TTC1: variants seen among roughly 807,000 people sequenced by gnomAD.
TTC1 encodes the protein tetratricopeptide repeat protein 1.
Under a neutral mutation model 37.6 loss-of-function variants are expected in TTC1, and 31 were observed. The ratio of observed to expected loss-of-function variants is 0.82; its 90% confidence interval spans 0.62 to 1.11. The LOEUF (loss-of-function observed/expected upper bound fraction) is 1.11. TTC1 is among the 50% of genes most tolerant of loss of function. The probability of loss-of-function intolerance (pLI) is 0.00; values close to 1 mark genes in which losing one functional copy is unlikely to be tolerated. For missense variants in TTC1, 351 were observed against 339.0 expected (o/e 1.04, Z -0.28); for synonymous variants, 127 against 122.4 (o/e 1.04, Z -0.25).
chr5:160,033,864 A>G (rs1756958753), intron 2 of TTC1, among the ~76,000 whole-genome samples: 1 of 152,226 alleles, frequency 6.6e-6, no homozygotes, highest in Non-Finnish European at 1.5e-5. Context: ...TGCATGAAAT[A>G]CCCTGCTAAC....
chr5:160,011,004 A>G (rs1756493113), intron 2 of TTC1, 146 bp downstream of exon 2: 1 of 776,890 alleles, frequency 1.3e-6, no homozygotes, highest in South Asian at 2.0e-5. Context: ...TGGATCTGAG[A>G]TAAATCGGTG....
At chr5:160,047,590 C>G (rs1757285359) in intron 5 of TTC1, among the ~76,000 whole-genome samples, 3 of 152,210 alleles carry the variant, frequency 2.0e-5, no homozygotes, top group Admixed American at 2.0e-4. Flanking sequence ...AAATGTAAAT[C>G]AGAGTATGTC....
intron 4 of TTC1, among the ~76,000 whole-genome samples, chr5:160,039,951 T>A (rs1229067705): frequency 1.3e-5 from 2 of 152,206 alleles, no homozygotes; most frequent in Non-Finnish European, 2.9e-5. Flanking sequence ...TAAAGTACAG[T>A]CATGAGTCAC....
chr5:160,055,512 G>A (rs138287357), intron 7 of TTC1, among the ~76,000 whole-genome samples: 2 of 152,342 alleles, frequency 1.3e-5, no homozygotes, highest in Non-Finnish European at 2.9e-5. Context: ...TTTTGGAGCT[G>A]CATCTCAGAT....
chr5:160,032,682 C>CCTT (rs1184977003), intron 2 of TTC1, among the ~76,000 whole-genome samples: 3 of 147,502 alleles, frequency 2.0e-5, no homozygotes, highest in African/African-American at 2.5e-5. Flanking sequence ...AACAGAGCCT[C>CCTT]CTTGAGTTCT....
At chr5:160,052,221 A>T (rs1163827117) in intron 7 of TTC1, among the ~76,000 whole-genome samples, 1 of 152,194 alleles carries the variant, frequency 6.6e-6, no homozygotes, top group Non-Finnish European at 1.5e-5. Context: ...TATTTAATTA[A>T]ACTTGGCCAG....
Position 160,045,512 on chromosome 5 carries a change from ACATACACACTCTCTCTCT to A in TTC1, c.541+2345_541+2362del, listed in dbSNP as rs1229948527. ...CACACACACACACACACACACACAC[ACATACACACTCTCTCTCT>A]CTCTCTCTCTCTCTCTCTCTCTCCC... is the stretch of plus-strand genomic sequence containing the variant. On this transcript the variant is annotated intron_variant, in intron 5 of 7. Coordinates refer to ENST00000231238, the MANE Select transcript of TTC1 (RefSeq NM_003314.3). Among the ~76,000 whole-genome samples the A allele has an allele frequency of 3.7e-4, 16 of 42,838 alleles. 1 individual carries two copies. Among genetic ancestry groups the A allele is most frequent in the African/African-American group, 1.8e-3 (15 of 8,300 alleles). The allele number at this position is 42,838 out of a possible 152,430, so 28.1% of individuals were successfully genotyped here. A position where few individuals can be genotyped will look rare whatever the true frequency, so the allele number is the denominator to read the frequency against.
intron 6 of TTC1, 87 bp downstream of exon 6, chr5:160,049,749 T>A: frequency 1.7e-6 from 2 of 1,163,930 alleles, no homozygotes; most frequent in Non-Finnish European, 2.3e-6. Flanking sequence ...CAGACACAAT[T>A]AAATTCCATT....
At position 160,051,146 on chromosome 5, in the gene TTC1, T is replaced by G; in HGVS notation, c.708T>G (p.Ile236Met). 1.2e-6 allele frequency: 2 copies of G among 1,610,138 alleles called. No individual in the cohort carries two copies. Residue 236 changes from isoleucine (I) to methionine (M), a missense_variant, in exon 7 of 8, where the codon ATT becomes ATG. Physicochemically the swap from Ile to Met is conservative, Grantham distance 10. Transcript: ENST00000231238. ...TTCCTCAGAGATTACCTAAGCAAAT[T>G]GAAGAACGTAATGAAAGACTAAAAG... The part of the protein sequence containing the change: ...REACMRLPKQ[I>M]EERNERLKEE...
chr5:160,035,122 TTCTC>T lies in TTC1; in HGVS notation c.331-16_331-13del. On this transcript the variant is annotated splice_polypyrimidine_tract_variant and intron_variant, in intron 2 of 7. Transcript: ENST00000231238. ...AATAATATTGTGAGAAATTATGTAATTCTCTGATGTCTTTCAGAAAAGAAGAGAA... is the reference window on the plus strand; with the variant it reads ...AATAATATTGTGAGAAATTATGTAATTGATGTCTTTCAGAAAAGAAGAGAA... 6.3e-7 allele frequency: 1 copy of T among 1,585,188 alleles called. No homozygotes were observed. Among genetic ancestry groups the T allele is most frequent in the East Asian group, 2.3e-5 (1 of 44,038 alleles).
chr5:160,011,575 A>G (rs746317137), intron 2 of TTC1, among the ~76,000 whole-genome samples: 4 of 152,264 alleles, frequency 2.6e-5, no homozygotes, highest in Non-Finnish European at 4.4e-5. Context: ...AAGCTAGAGT[A>G]TAATGTATAA....
At chr5:160,033,717 A>G (rs1355748655) in intron 2 of TTC1, among the ~76,000 whole-genome samples, 2 of 152,226 alleles carry the variant, frequency 1.3e-5, no homozygotes, top group Admixed American at 1.3e-4. Context: ...ACTCACTATC[A>G]TGAGAACAAC....
At chr5:160,047,501 C>G (rs2113388003) in intron 5 of TTC1, among the ~76,000 whole-genome samples, 2 of 152,340 alleles carry the variant, frequency 1.3e-5, no homozygotes, top group South Asian at 4.1e-4. Context: ...ATCTGGACCA[C>G]TGCATTAGCT....
intron 5 of TTC1, among the ~76,000 whole-genome samples, chr5:160,047,111 C>G (rs1321011194): frequency 6.6e-6 from 1 of 152,070 alleles, no homozygotes; most frequent in Non-Finnish European, 1.5e-5. Context: ...AAATATAAAA[C>G]TAATAAATAC....
At chr5:160,019,492 C>T (rs7712634) in intron 2 of TTC1, among the ~76,000 whole-genome samples, 22,526 of 151,612 alleles carry the variant, frequency 0.15, 1,899 homozygotes, top group East Asian at 0.27. Flanking sequence ...CCAAAAAGTT[C>T]TCAGTAACTT....
At chr5:160,014,967 G>A (rs2113342098) in intron 2 of TTC1, among the ~76,000 whole-genome samples, 1 of 152,234 alleles carries the variant, frequency 6.6e-6, no homozygotes, top group African/African-American at 2.4e-5. Context: ...AGAACCCTTG[G>A]AATTTTCTGA....
chr5:160,058,599 G>C (rs534928662), intron 7 of TTC1, among the ~76,000 whole-genome samples: 1 of 151,874 alleles, frequency 6.6e-6, no homozygotes, highest in East Asian at 1.9e-4. Context: ...TTTTAGTAGA[G>C]ACAGGGTTTC....
In TTC1 at chr5:160,059,371, T is replaced by C. The variant is rs372528773; in HGVS notation, c.746-5561T>C. On this transcript the variant is annotated intron_variant, in intron 7 of 7. Coordinates refer to ENST00000231238, the MANE Select transcript of TTC1 (RefSeq NM_003314.3). Reference sequence around the variant, plus strand: ...GTTTCCTCACTCAACCTTGGTAGGATTGAAGAAAGTTAGGGCCTTGCTGTG... The same window carrying C: ...GTTTCCTCACTCAACCTTGGTAGGACTGAAGAAAGTTAGGGCCTTGCTGTG... 3.3e-5 allele frequency among the ~76,000 whole-genome samples: 5 copies of C among 152,224 alleles called. No individual in the cohort carries two copies. The East Asian group carries it at 7.7e-4, about 23-fold the overall frequency.
At chr5:160,034,873 T>C (rs1452362483) in intron 2 of TTC1, among the ~76,000 whole-genome samples, 4 of 152,222 alleles carry the variant, frequency 2.6e-5, no homozygotes, top group East Asian at 3.9e-4. Flanking sequence ...TATCATTCCA[T>C]TGCAAAAGAT....
Sources: gnomAD v4.1 joint callset for allele counts (sites outside exome capture counted in the v4.1 genomes callset) on GRCh38, gnomAD v4.1.1 for gene constraint, MANE v1.5 for transcripts, NCBI Gene and HGNC (gene_info 2026-07-23, HGNC 2026-07-21) for gene names.